The following FAM20C variants were observed in gnomAD, a reference collection of about 807,000 sequenced individuals.
FAM20C encodes extracellular serine/threonine protein kinase FAM20C.
A neutral mutation model predicts 51.5 loss-of-function variants in FAM20C; 40 were observed. The ratio of observed to expected loss-of-function variants is 0.78; its 90% CI spans 0.60 to 1.01. FAM20C has a LOEUF of 1.01. Ranked by LOEUF, FAM20C falls within the 50% of genes least tolerant of loss-of-function variation. FAM20C has a pLI of 0.00. For missense variants in FAM20C, 861 were observed against 844.7 expected, an observed-to-expected ratio of 1.02 and a Z score of -0.24; for synonymous variants, 406 against 380.6, an observed-to-expected ratio of 1.07 and a Z score of -0.78.
At chr7:212,762 G>A (rs755988749) in intron 3 of FAM20C, among the ~76,000 whole-genome samples, 2 of 152,192 alleles carry the variant, frequency 1.3e-5, no homozygotes, top group African/African-American at 2.4e-5. Flanking sequence ...TTGCTTTAGG[G>A]TTACGTTAAG....
chr7:195,691 C>T lies in FAM20C; in HGVS notation c.743C>T (p.Ala248Val). 6.2e-7 allele frequency: 1 copy of T among 1,610,680 alleles called. No individual in the cohort carries two copies. The highest frequency in any genetic ancestry group is 1.1e-5 in the South Asian group (1 of 90,672). Reference sequence around the variant, plus strand: ...TCCAGACACAACCCGGCCATCGAGGCCCTGCTGCACGACCTCAGCTCCCAG... The same window carrying T: ...TCCAGACACAACCCGGCCATCGAGGTCCTGCTGCACGACCTCAGCTCCCAG... ...LYSRHNPAIE[A>V]LLHDLSSQRI... Residue 248 changes from alanine to valine, a missense_variant, in exon 2 of 10, where the codon GCC (alanine) becomes GTC (valine). Around this residue, in one of 3 missense-constraint regions of FAM20C, gnomAD observed 561 missense variants for 499.8 expected, o/e 1.12. Coordinates refer to ENST00000313766, the MANE Select transcript of FAM20C (RefSeq NM_020223.4).
intron 3 of FAM20C, among the ~76,000 whole-genome samples, chr7:224,375 G>GGTC (rs146085042): frequency 4.3e-5 from 1 of 23,514 alleles, no homozygotes; most frequent in African/African-American, 1.7e-4. Flanking sequence ...CTGTCACGGG[G>GGTC]TCACATGGCG....
At chr7:201,349 C>T (rs919905740) in intron 2 of FAM20C, among the ~76,000 whole-genome samples, 1 of 152,210 alleles carries the variant, frequency 6.6e-6, no homozygotes, top group African/African-American at 2.4e-5. Flanking sequence ...TTTCTGTGGT[C>T]CACAGGTCTG....
At chr7:205,827 A>C (rs1583286383) in intron 2 of FAM20C, among the ~76,000 whole-genome samples, 1 of 150,860 alleles carries the variant, frequency 6.6e-6, no homozygotes, top group Non-Finnish European at 1.5e-5. Flanking sequence ...CATCCACGGC[A>C]CCCCCAGGCC....
rs1057293876 is a variant in FAM20C, at chr7:193,819, G to A, written c.605+15G>A. The stretch of plus-strand genomic sequence containing the variant: ...AACCCGGACTGGTGAGTGGGGGCTG[G>A]CAGGTGCCCACCCCCAAGGGAGCCG... On this transcript the variant is annotated intron_variant, in intron 1 of 9. Coordinates refer to ENST00000313766, the MANE Select transcript of FAM20C (RefSeq NM_020223.4). 1 of 1,552,552 alleles carries A rather than the reference G, an allele frequency of 6.4e-7. No individual in the cohort carries two copies. The highest frequency in any genetic ancestry group is 1.9e-5 in the Admixed American group (1 of 52,064).
At chr7:227,580 A>G (rs1380304719) in intron 3 of FAM20C, 2 of 151,810 alleles carry the variant, frequency 1.3e-5, no homozygotes, top group African/African-American at 4.8e-5. Context: ...TTACCCTTTT[A>G]TTACTTTGAA....
chr7:220,678 A>G (rs1373338429), intron 3 of FAM20C, among the ~76,000 whole-genome samples: 2 of 152,128 alleles, frequency 1.3e-5, no homozygotes, highest in Non-Finnish European at 2.9e-5. Context: ...ACATTCCTGC[A>G]AGGGCCTGTG....
intron 5 of FAM20C, among the ~76,000 whole-genome samples, chr7:249,192 C>A (rs186916943): frequency 2.0e-5 from 3 of 152,360 alleles, no homozygotes; most frequent in African/African-American, 7.2e-5. Flanking sequence ...ACACACTCAG[C>A]AGGACCCCCG....
rs563226142 is a variant in FAM20C at position 259,965 on chromosome 7, C to T, written c.1740C>T (p.Ala580=). Residue 580 remains alanine, a synonymous_variant, in exon 10 of 10, where the codon GCC becomes GCT. Coordinates refer to ENST00000313766, the MANE Select transcript of FAM20C (RefSeq NM_020223.4). The part of the protein sequence containing the change: ...VDDDLDTEHR[A]ASAR ...ACGACCTGGACACTGAGCACAGAGC[C>T]GCCTCGGCGAGGTAGTGTCCGCCGG... is the stretch of plus-strand genomic sequence containing the variant. 1.0e-3 allele frequency: 1,512 copies of T among 1,516,476 alleles called. 32 individuals are homozygous for T. In the South Asian group the frequency reaches 0.016, roughly 16 times the overall value. The allele number at this position is 1,516,476 out of a possible 1,614,324, so 93.9% of individuals were successfully genotyped here.
intron 3 of FAM20C, among the ~76,000 whole-genome samples, chr7:236,386 G>A (rs1228812675): frequency 1.3e-5 from 2 of 152,236 alleles, no homozygotes; most frequent in African/African-American, 4.8e-5. Flanking sequence ...CAGCCCCTGT[G>A]AGCCACCTGG....
At position 260,021 on chromosome 7, in the gene FAM20C, C is replaced by G. The variant is rs36138803; in HGVS notation, c.*41C>G. ...GCGCTGCCCGGGACGGAGACAGAGG[C>G]GCCGGACCTCCCAGCAAGCGCATGC... On this transcript the variant is annotated 3_prime_UTR_variant, in exon 10 of 10. Coordinates refer to ENST00000313766, the MANE Select transcript of FAM20C (RefSeq NM_020223.4). 873,303 of 1,461,700 alleles carry G rather than the reference C, an allele frequency of 0.6. 264,032 individuals are homozygous for G. Among genetic ancestry groups the G allele is most frequent in the African/African-American group, 0.72 (51,553 of 71,160 alleles). 90.5% of individuals were successfully genotyped at this position (1,461,700 alleles called of 1,614,324 possible).
At chr7:219,237 G>T (rs558133613) in intron 3 of FAM20C, among the ~76,000 whole-genome samples, 2 of 152,316 alleles carry the variant, frequency 1.3e-5, no homozygotes, top group East Asian at 1.9e-4. Flanking sequence ...AGGTGAACAG[G>T]TGGAGAATGG....
chr7:202,306 G>T (rs1020379557), intron 2 of FAM20C, among the ~76,000 whole-genome samples: 1 of 146,822 alleles, frequency 6.8e-6, no homozygotes, highest in Non-Finnish European at 1.5e-5. Flanking sequence ...GGAATGGGGG[G>T]GCCCTATGGA....
At chr7:209,571 C>G (rs764407844) in intron 3 of FAM20C, among the ~76,000 whole-genome samples, 2 of 152,134 alleles carry the variant, frequency 1.3e-5, no homozygotes, top group African/African-American at 4.8e-5. Flanking sequence ...TCACCAAAAC[C>G]GATAACACAG....
At chr7:208,787 C>T (rs1435493898) in intron 2 of FAM20C, 111 bp from the exon 3 acceptor site, 2 of 1,085,952 alleles carry the variant, frequency 1.8e-6, no homozygotes, top group Non-Finnish European at 2.7e-6. Flanking sequence ...GAGTGGGACC[C>T]CTGGACCATG....
intron 5 of FAM20C, among the ~76,000 whole-genome samples, chr7:250,734 C>T (rs894999993): frequency 1.1e-4 from 16 of 152,270 alleles, no homozygotes; most frequent in African/African-American, 3.9e-4. Flanking sequence ...TGCAGCCCGC[C>T]ATGCACACCC....
At chr7:251,006 G>A (rs1315593488) in intron 5 of FAM20C, among the ~76,000 whole-genome samples, 2 of 152,344 alleles carry the variant, frequency 1.3e-5, no homozygotes, top group East Asian at 3.9e-4. Flanking sequence ...GGTCACGCAG[G>A]GAGGGGTCAA....
chr7:201,228 G>T (rs1232450949), intron 2 of FAM20C, among the ~76,000 whole-genome samples: 2 of 152,200 alleles, frequency 1.3e-5, no homozygotes, highest in Admixed American at 6.5e-5. Context: ...GGGACCGCCT[G>T]ACCGTGACCC....
At position 195,590 on chromosome 7, in the gene FAM20C, C is replaced by A; in HGVS notation, c.642C>A (p.Ser214=). 2.5e-6 allele frequency: 4 copies of A among 1,599,388 alleles called. No homozygotes were observed. Among genetic ancestry groups the A allele is most frequent in the East Asian group, 2.3e-5 (1 of 43,806 alleles). The change falls in exon 2 of 10, where the codon TCC becomes TCA. Residue 214 remains serine (S), a synonymous_variant. Transcript: ENST00000313766. The part of the protein sequence containing the change: ...HAGAEGAEFL[S]PGEAAVDSYP... ...GTGCTGAAGGTGCAGAATTCCTCTC[C>A]CCCGGGGAGGCGGCCGTGGACTCCT... is the stretch of plus-strand genomic sequence containing the variant.
Sources: gnomAD v4.1 joint callset for allele counts (sites outside exome capture counted in the v4.1 genomes callset) on GRCh38, gnomAD v4.1.1 for gene constraint, gnomAD v4.1.1 regional missense constraint, MANE v1.5 for transcripts, NCBI Gene and HGNC (gene_info 2026-07-23, HGNC 2026-07-21) for gene names.